EFNA5: variants seen among roughly 807,000 people sequenced by gnomAD.
The protein encoded by EFNA5 is ephrin-A5.
EFNA5 carries 5 observed loss-of-function variants against 22.9 expected under a neutral mutation model. The observed-to-expected ratio is 0.22, with a 90% confidence interval of 0.11 to 0.46. EFNA5 has a LOEUF of 0.46. EFNA5 is among the 20% of genes least tolerant of loss of function. EFNA5 has a pLI of 0.99. For missense variants in EFNA5, 237 were observed against 293.3 expected, an observed-to-expected ratio of 0.81 and a Z score of 1.40; for synonymous variants, 113 against 112.2, an observed-to-expected ratio of 1.01 and a Z score of -0.04.
intron 1 of EFNA5, among the ~76,000 whole-genome samples, chr5:107,490,180 G>T (rs887917405): frequency 1.3e-5 from 2 of 152,146 alleles, no homozygotes; most frequent in African/African-American, 4.8e-5. Context: ...TTGTGTGCTT[G>T]GGTGTTCTGT....
chr5:107,458,636 G>A (rs1749755883), intron 1 of EFNA5, among the ~76,000 whole-genome samples: 1 of 152,034 alleles, frequency 6.6e-6, no homozygotes, highest in Non-Finnish European at 1.5e-5. Context: ...AAAAAAAATT[G>A]TGATACAGAA....
At chr5:107,476,944 G>A (rs1428597130) in intron 1 of EFNA5, among the ~76,000 whole-genome samples, 3 of 152,146 alleles carry the variant, frequency 2.0e-5, no homozygotes, top group Non-Finnish European at 2.9e-5. Flanking sequence ...AAAGTGGACA[G>A]GAAATCAGTC....
chr5:107,422,884 T>C (rs1198708322), intron 2 of EFNA5, among the ~76,000 whole-genome samples: 1 of 152,128 alleles, frequency 6.6e-6, no homozygotes, highest in Non-Finnish European at 1.5e-5. Flanking sequence ...AATGATGACT[T>C]GGACAGAGCA....
At chr5:107,405,521 C>G (rs1018880803) in intron 2 of EFNA5, among the ~76,000 whole-genome samples, 2 of 152,144 alleles carry the variant, frequency 1.3e-5, no homozygotes, top group Non-Finnish European at 2.9e-5. Flanking sequence ...AGTATTTAAT[C>G]AATGAATGTC....
chr5:107,562,384 G>A (rs550029800), intron 1 of EFNA5, among the ~76,000 whole-genome samples: 1 of 151,982 alleles, frequency 6.6e-6, no homozygotes, highest in Non-Finnish European at 1.5e-5. Context: ...CATACAAGCA[G>A]ATAGCGTCAT....
intron 1 of EFNA5, among the ~76,000 whole-genome samples, chr5:107,666,135 T>C (rs994081260): frequency 1.3e-5 from 2 of 152,180 alleles, no homozygotes; most frequent in African/African-American, 4.8e-5. Context: ...CAAGATAAAC[T>C]TTCAATCTTT....
At chr5:107,583,863 G>C (rs1236053785) in intron 1 of EFNA5, among the ~76,000 whole-genome samples, 1 of 152,060 alleles carries the variant, frequency 6.6e-6, no homozygotes, top group Non-Finnish European at 1.5e-5. Context: ...ACCAACTGTG[G>C]AAGACACCCA....
chr5:107,444,700 A>C (rs1052875279), intron 1 of EFNA5, among the ~76,000 whole-genome samples: 3 of 152,214 alleles, frequency 2.0e-5, no homozygotes, highest in Middle Eastern at 3.2e-3. Flanking sequence ...TACATGTAGG[A>C]CAGGAATGGC....
At chr5:107,571,020 G>A (rs938964402) in intron 1 of EFNA5, among the ~76,000 whole-genome samples, 3 of 152,182 alleles carry the variant, frequency 2.0e-5, no homozygotes, top group African/African-American at 7.2e-5. Context: ...GCAGTTGCAC[G>A]GGTGCACTCT....
chr5:107,566,582 C>T (rs1306372558), intron 1 of EFNA5, among the ~76,000 whole-genome samples: 1 of 152,174 alleles, frequency 6.6e-6, no homozygotes, highest in Non-Finnish European at 1.5e-5. Flanking sequence ...CTAAATGCTG[C>T]ATTCCTTGTC....
At chr5:107,569,419 GTATATGTGTGTATATATATATTTA>G (rs1440408918) in intron 1 of EFNA5, among the ~76,000 whole-genome samples, 3 of 140,748 alleles carry the variant, frequency 2.1e-5, no homozygotes, top group East Asian at 2.0e-4. Context: ...ATATATTTAT[GTATATGTGTGTATATATATATTTA>G]TATATGTGTG....
At chr5:107,589,475 TACAC>T (rs371606425) in intron 1 of EFNA5, among the ~76,000 whole-genome samples, 1 of 151,426 alleles carries the variant, frequency 6.6e-6, no homozygotes, top group African/African-American at 2.4e-5. Context: ...TAAACATATA[TACAC>T]ACACACACAC....
chr5:107,664,699 A>C (rs549934598), intron 1 of EFNA5, among the ~76,000 whole-genome samples: 223 of 152,280 alleles, frequency 1.5e-3, no homozygotes, highest in African/African-American at 5.0e-3. Flanking sequence ...TTTTTTCCTC[A>C]GTTCAGAAAG....
intron 1 of EFNA5, among the ~76,000 whole-genome samples, chr5:107,591,817 T>C (rs1188417848): frequency 9.4e-6 from 1 of 106,492 alleles, no homozygotes; most frequent in Non-Finnish European, 1.8e-5. Flanking sequence ...GGAGACTCCG[T>C]CTCAAAAAAA....
At chr5:107,574,110 G>C (rs1406560096) in intron 1 of EFNA5, among the ~76,000 whole-genome samples, 1 of 152,202 alleles carries the variant, frequency 6.6e-6, no homozygotes, top group Non-Finnish European at 1.5e-5. Flanking sequence ...TTTATTTCAA[G>C]TATGGGGATA....
intron 1 of EFNA5, among the ~76,000 whole-genome samples, chr5:107,583,603 C>G (rs1372086963): frequency 6.6e-6 from 1 of 152,102 alleles, no homozygotes; most frequent in East Asian, 1.9e-4. Context: ...TTTGGAGCAT[C>G]TGCGTGGGTT....
intron 1 of EFNA5, among the ~76,000 whole-genome samples, chr5:107,477,120 A>G (rs1399875722): frequency 6.6e-6 from 1 of 152,176 alleles, no homozygotes; most frequent in Admixed American, 6.5e-5. Context: ...ACCAAAACAA[A>G]AAGAGAAACA....
At chr5:107,434,185 T>C (rs191346310) in intron 1 of EFNA5, among the ~76,000 whole-genome samples, 4 of 152,364 alleles carry the variant, frequency 2.6e-5, no homozygotes, top group African/African-American at 9.6e-5. Context: ...TTGAATAGTC[T>C]AGGTCCTTTA....
At chr5:107,543,811 T>G (rs951654587) in intron 1 of EFNA5, among the ~76,000 whole-genome samples, 3 of 152,318 alleles carry the variant, frequency 2.0e-5, no homozygotes, top group African/African-American at 7.2e-5. Flanking sequence ...TTATTAGCCT[T>G]GGTGAAATGA....
Sources: gnomAD v4.1 joint callset for allele counts (sites outside exome capture counted in the v4.1 genomes callset) on GRCh38, gnomAD v4.1.1 for gene constraint, MANE v1.5 for transcripts, NCBI Gene and HGNC (gene_info 2026-07-23, HGNC 2026-07-21) for gene names.